The following PARD3 variants were observed in gnomAD, a reference collection of about 807,000 sequenced individuals.
PARD3 encodes the protein par-3 family cell polarity regulator.
PARD3 carries 75 observed loss-of-function variants against 155.4 expected under a neutral mutation model. The ratio of observed to expected loss-of-function variants is 0.48; its 90% CI spans 0.40 to 0.58. PARD3 has a LOEUF of 0.58. Among genes scored for constraint, PARD3 ranks in the 20% least tolerant of loss-of-function variants. PARD3 has a pLI of 0.00. For missense variants in PARD3, 1,642 were observed against 1,721.7 expected (o/e 0.95, Z 0.82); for synonymous variants, 576 against 610.5 (o/e 0.94, Z 0.83).
At chr10:34,295,257 G>A (rs1201811360) in intron 20 of PARD3, among the ~76,000 whole-genome samples, 2 of 152,304 alleles carry the variant, frequency 1.3e-5, no homozygotes, top group East Asian at 3.9e-4. Context: ...ACACGGAGAT[G>A]TGTTGTCTCA....
At chr10:34,710,765 T>G (rs577684084) in intron 1 of PARD3, among the ~76,000 whole-genome samples, 1 of 152,340 alleles carries the variant, frequency 6.6e-6, no homozygotes, top group African/African-American at 2.4e-5. Flanking sequence ...CAATAAATAC[T>G]GGTCAAGTGA....
At chr10:34,795,724 A>T (rs1324494269) in intron 1 of PARD3, among the ~76,000 whole-genome samples, 1 of 152,078 alleles carries the variant, frequency 6.6e-6, no homozygotes, top group Non-Finnish European at 1.5e-5. Flanking sequence ...GAGAAACTCC[A>T]TCTCTGCTAA....
At chr10:34,649,300 G>C (rs1245311396) in intron 2 of PARD3, among the ~76,000 whole-genome samples, 1 of 152,180 alleles carries the variant, frequency 6.6e-6, no homozygotes, top group East Asian at 1.9e-4. Context: ...AGGTAAAACA[G>C]AAATGTGTGA....
chr10:34,806,876 T>G (rs1180561332), intron 1 of PARD3, among the ~76,000 whole-genome samples: 1 of 152,126 alleles, frequency 6.6e-6, no homozygotes, highest in African/African-American at 2.4e-5. Context: ...GAACTGGCAG[T>G]GGGAGTCCAG....
intron 2 of PARD3, among the ~76,000 whole-genome samples, chr10:34,559,047 C>A (rs1032726800): frequency 7.9e-5 from 12 of 151,894 alleles, no homozygotes; most frequent in African/African-American, 2.9e-4. Flanking sequence ...ATTTTTCCCC[C>A]CCACAGAATT....
intron 22 of PARD3, among the ~76,000 whole-genome samples, chr10:34,160,879 G>A (rs1319886935): frequency 6.6e-6 from 1 of 152,158 alleles, no homozygotes; most frequent in African/African-American, 2.4e-5. Flanking sequence ...AGGTCTGAGG[G>A]AGCATGCAGA....
At chr10:34,640,214 G>C (rs560888056) in intron 2 of PARD3, among the ~76,000 whole-genome samples, 78 of 152,328 alleles carry the variant, frequency 5.1e-4, no homozygotes, top group Middle Eastern at 3.4e-3. Flanking sequence ...GGGCCTGGAG[G>C]CTGCAGGCGT....
At chr10:34,598,239 A>T (rs1318001660) in intron 2 of PARD3, among the ~76,000 whole-genome samples, 1 of 152,216 alleles carries the variant, frequency 6.6e-6, no homozygotes, top group Non-Finnish European at 1.5e-5. Context: ...CCGCAGAATA[A>T]AAGTGAGCCT....
chr10:34,544,558 C>T (rs958331692), intron 2 of PARD3, among the ~76,000 whole-genome samples: 7 of 152,140 alleles, frequency 4.6e-5, no homozygotes, highest in African/African-American at 1.2e-4. Flanking sequence ...AAAGTGTGGT[C>T]CCTCCCAGTA....
chr10:34,198,632 T>C (rs1339867522), intron 22 of PARD3, among the ~76,000 whole-genome samples: 1 of 152,174 alleles, frequency 6.6e-6, no homozygotes, highest in Non-Finnish European at 1.5e-5. Flanking sequence ...TTTTAAAAGT[T>C]AAAATTATTC....
intron 14 of PARD3, among the ~76,000 whole-genome samples, chr10:34,349,580 T>TAAAAAAAAAAAA: frequency 5.8e-4 from 26 of 44,710 alleles, no homozygotes; most frequent in African/African-American, 1.6e-3. Flanking sequence ...TCTGGGAAAG[T>TAAAAAAAAAAAA]AAAAAAAAAA....
intron 7 of PARD3, among the ~76,000 whole-genome samples, chr10:34,395,785 C>T (rs1307835369): frequency 9.6e-6 from 1 of 104,424 alleles, no homozygotes; most frequent in East Asian, 2.5e-4. Context: ...TGCAGTGAGC[C>T]GAGATTGCGC....
intron 22 of PARD3, among the ~76,000 whole-genome samples, chr10:34,148,854 C>A (rs1273889886): frequency 6.9e-6 from 1 of 144,596 alleles, no homozygotes; most frequent in Non-Finnish European, 1.5e-5. Flanking sequence ...CCCTCTATTG[C>A]CAGAATCAAG....
intron 2 of PARD3, among the ~76,000 whole-genome samples, chr10:34,657,410 C>A (rs537004085): frequency 7.7e-4 from 117 of 152,310 alleles, no homozygotes; most frequent in Non-Finnish European, 5.4e-4. Context: ...AAGTCTACTT[C>A]GATCTATTTG....
chr10:34,762,723 T>A (rs1297406853), intron 1 of PARD3, among the ~76,000 whole-genome samples: 2 of 152,202 alleles, frequency 1.3e-5, no homozygotes, highest in Non-Finnish European at 2.9e-5. Flanking sequence ...GGAAAATGAC[T>A]GTTGCTGATG....
At chr10:34,270,086 A>G (rs1955539818) in intron 21 of PARD3, among the ~76,000 whole-genome samples, 187 bp from the exon 22 acceptor site, 1 of 152,098 alleles carries the variant, frequency 6.6e-6, no homozygotes, top group Non-Finnish European at 1.5e-5. Context: ...CTCAAAAAGA[A>G]TAATTTGAGA....
chr10:34,790,948 C>T (rs545700166), intron 1 of PARD3, among the ~76,000 whole-genome samples: 79 of 152,302 alleles, frequency 5.2e-4, no homozygotes, highest in Middle Eastern at 3.4e-3. Flanking sequence ...CACAGGGAAG[C>T]GCATGCGTGG....
intron 14 of PARD3, among the ~76,000 whole-genome samples, chr10:34,353,790 G>T (rs541650787): frequency 1.3e-5 from 2 of 151,540 alleles, no homozygotes; most frequent in South Asian, 2.1e-4. Flanking sequence ...GTCCTTTGAG[G>T]TAAGTGAAAA....
chr10:34,276,713 C>T (rs1189904514), intron 21 of PARD3, among the ~76,000 whole-genome samples: 1 of 152,138 alleles, frequency 6.6e-6, no homozygotes, highest in Admixed American at 6.6e-5. Flanking sequence ...CCTTAAACCT[C>T]TCAGTTACAT....
Sources: allele counts gnomAD v4.1 joint callset (sites outside exome capture counted in the v4.1 genomes callset), GRCh38; gene constraint gnomAD v4.1.1; transcripts MANE v1.5; gene names NCBI Gene and HGNC (gene_info 2026-07-23, HGNC 2026-07-21).